ROCK2: variants seen among roughly 807,000 people sequenced by gnomAD.
ROCK2 encodes rho-associated protein kinase 2.
A neutral mutation model predicts 195.1 loss-of-function variants in ROCK2; 61 were observed. The observed-to-expected ratio is 0.31, with a 90% CI of 0.25 to 0.39. The LOEUF (loss-of-function observed/expected upper bound fraction) is 0.39, where lower values mean the gene tolerates loss of function less well. Among genes scored for constraint, ROCK2 ranks in the 10% least tolerant of loss-of-function variants. The pLI is 1.00. For synonymous variants in ROCK2, 504 were observed against 545.5 expected (o/e 0.92, Z 1.06); for missense variants, 1,109 against 1,637.4 (o/e 0.68, Z 5.57).
chr2:11,217,198 G>T (rs371015618), intron 11 of ROCK2, 29 bp from the exon 12 acceptor site: 1 of 1,117,712 alleles, frequency 8.9e-7, no homozygotes, highest in East Asian at 2.4e-5. Context: ...CTGTAATTAC[G>T]TATTTTGGTC....
intron 5 of ROCK2, among the ~76,000 whole-genome samples, chr2:11,227,759 A>G (rs1664865732): frequency 1.3e-5 from 2 of 152,218 alleles, no homozygotes; most frequent in African/African-American, 4.8e-5. Context: ...ACACTGACCC[A>G]GGAAAAAGAA....
intron 32 of ROCK2, among the ~76,000 whole-genome samples, chr2:11,187,577 C>T (rs1663243205): frequency 6.6e-6 from 1 of 152,070 alleles, no homozygotes; most frequent in Non-Finnish European, 1.5e-5. Context: ...CTGCATGCGC[C>T]TCATTAATTT....
chr2:11,293,279 T>C (rs1374034511), intron 1 of ROCK2, among the ~76,000 whole-genome samples: 4 of 152,224 alleles, frequency 2.6e-5, no homozygotes, highest in African/African-American at 9.6e-5. Flanking sequence ...ACTCAGAGGT[T>C]AGCAGTAACT....
rs1663852152 is a variant in ROCK2 at position 11,201,549 on chromosome 2, G to C, written c.2620-136C>G. ...TGCTAAGTCCCCGAGCAAATGAATA[G>C]TTTAATGAACTTTCCTATTTCTAGT... On this transcript the variant is annotated intron_variant, in intron 21 of 32. Coordinates refer to ENST00000315872, the MANE Select transcript of ROCK2 (RefSeq NM_004850.5). The surrounding 1 kb of genome is among the most constrained non-coding windows in gnomAD (Gnocchi z 4.6). 1 of 605,816 alleles carries C rather than the reference G, an allele frequency of 1.7e-6. No homozygotes were observed. The highest frequency in any genetic ancestry group is 2.9e-6 in the Non-Finnish European group (1 of 342,718). The allele number at this position is 605,816 out of a possible 1,614,324, so 37.5% of individuals were successfully genotyped here.
chr2:11,270,639 G>A (rs1470780792), intron 3 of ROCK2, among the ~76,000 whole-genome samples: 1 of 152,136 alleles, frequency 6.6e-6, no homozygotes, highest in Non-Finnish European at 1.5e-5. Flanking sequence ...CTAGCAATAA[G>A]TCTATCAAAG....
At chr2:11,300,484 G>A (rs988882009) in intron 1 of ROCK2, among the ~76,000 whole-genome samples, 1 of 152,134 alleles carries the variant, frequency 6.6e-6, no homozygotes, top group East Asian at 1.9e-4. Flanking sequence ...GGCTGGTCTC[G>A]AACTCCAGAC....
intron 1 of ROCK2, among the ~76,000 whole-genome samples, chr2:11,314,589 T>A (rs1668135662): frequency 6.6e-6 from 1 of 152,130 alleles, no homozygotes; most frequent in East Asian, 1.9e-4. Context: ...TTGCTTTTCA[T>A]AGTTCCTTTT....
chr2:11,314,085 G>T (rs1156822554), intron 1 of ROCK2, among the ~76,000 whole-genome samples: 1 of 151,624 alleles, frequency 6.6e-6, no homozygotes, highest in Non-Finnish European at 1.5e-5. Flanking sequence ...CCAAGCAATG[G>T]AATATTAAAA....
At chr2:11,251,028 G>C (rs1665812034) in intron 3 of ROCK2, among the ~76,000 whole-genome samples, 1 of 152,064 alleles carries the variant, frequency 6.6e-6, no homozygotes, top group South Asian at 2.1e-4. Context: ...TCTCAATGAG[G>C]TCTACTCTGA....
chr2:11,319,435 T>C (rs1176759478), intron 1 of ROCK2, among the ~76,000 whole-genome samples: 1 of 152,228 alleles, frequency 6.6e-6, no homozygotes, highest in Non-Finnish European at 1.5e-5. Flanking sequence ...GCTTGTGACT[T>C]CTGCACATTG....
intron 1 of ROCK2, among the ~76,000 whole-genome samples, chr2:11,342,511 C>T (rs958810467): frequency 4.6e-5 from 7 of 152,192 alleles, no homozygotes; most frequent in Admixed American, 4.6e-4. Flanking sequence ...ACGTTTCCAT[C>T]TAGGATTTAG....
At chr2:11,220,475 A>G (rs1664598731) in intron 9 of ROCK2, among the ~76,000 whole-genome samples, 1 of 152,114 alleles carries the variant, frequency 6.6e-6, no homozygotes, top group Admixed American at 6.5e-5. Flanking sequence ...TCTTACATCC[A>G]ATACTCACTT....
At chr2:11,194,094 TTAAC>T in intron 29 of ROCK2, 158 bp downstream of exon 29, 1 of 459,986 alleles carries the variant, frequency 2.2e-6, no homozygotes, top group Non-Finnish European at 3.9e-6. Context: ...TAAAGATGTT[TTAAC>T]TAACCCTGTA....
At chr2:11,321,647 AAGGT>A (rs1668402285) in intron 1 of ROCK2, among the ~76,000 whole-genome samples, 1 of 152,194 alleles carries the variant, frequency 6.6e-6, no homozygotes, top group Non-Finnish European at 1.5e-5. Flanking sequence ...ATAATCCTGA[AAGGT>A]AGGAATTGAA....
At position 11,227,258 on chromosome 2, in the gene ROCK2, T is replaced by A. The variant is rs941536875; in HGVS notation, c.864A>T (p.Leu288=). The A allele has an allele frequency of 6.2e-7, 1 of 1,611,020 alleles. No homozygotes were observed. Among genetic ancestry groups the A allele is most frequent in the Admixed American group, 1.7e-5 (1 of 59,796 alleles). ...WSVGVFLYEM[L]VGDTPFYADS... Reference sequence around the variant, plus strand: ...GAAGTTAAAATATTTACTTACCCACTAGCATCTCATAAAGGAAAACACCTA... The same window carrying A: ...GAAGTTAAAATATTTACTTACCCACAAGCATCTCATAAAGGAAAACACCTA... The change falls in exon 6 of 33, where the codon CTA becomes CTT. Residue 288 remains leucine (L), a synonymous_variant. Transcript: ENST00000315872.
At chr2:11,224,498 G>C in intron 6 of ROCK2, 38 bp from the exon 7 acceptor site, 1 of 1,580,730 alleles carries the variant, frequency 6.3e-7, no homozygotes, top group Non-Finnish European at 8.6e-7. Context: ...ATGTAACAGA[G>C]AATGCAAAGG....
At chr2:11,295,966 AAGAGAGAGAGAGAG>A (rs11413362) in intron 1 of ROCK2, among the ~76,000 whole-genome samples, 1 of 77,718 alleles carries the variant, frequency 1.3e-5, no homozygotes, top group Non-Finnish European at 2.6e-5. Flanking sequence ...CAAAAAACAA[AAGAGAGAGAGAGAG>A]AGAGAGAGAG....
At chr2:11,269,312 G>C (rs1216097500) in intron 3 of ROCK2, among the ~76,000 whole-genome samples, 1 of 152,110 alleles carries the variant, frequency 6.6e-6, no homozygotes, top group Non-Finnish European at 1.5e-5. Flanking sequence ...AGGAGTTTGA[G>C]ACCAGCCTGG....
chr2:11,273,552 G>T (rs908250423), intron 3 of ROCK2, among the ~76,000 whole-genome samples: 3 of 152,056 alleles, frequency 2.0e-5, no homozygotes, highest in Admixed American at 2.0e-4. Context: ...AATAATAGTT[G>T]GAGACTTTCA....
Sources: gnomAD v4.1 joint callset for allele counts (sites outside exome capture counted in the v4.1 genomes callset) on GRCh38, gnomAD v4.1.1 for gene constraint, Gnocchi (gnomAD v3.1) non-coding constraint, MANE v1.5 for transcripts, NCBI Gene and HGNC (gene_info 2026-07-23, HGNC 2026-07-21) for gene names.